NBEA: variants seen among roughly 807,000 people sequenced by gnomAD.
NBEA encodes the protein lysosomal-trafficking regulator 2.
NBEA carries 44 observed loss-of-function variants against 343.4 expected under a neutral mutation model. That is an observed-to-expected ratio of 0.13 (90% CI 0.10 to 0.16). The LOEUF (loss-of-function observed/expected upper bound fraction) is 0.16, where lower values mean the gene tolerates loss of function less well. Ranked by LOEUF, NBEA falls within the 10% of genes least tolerant of loss-of-function variation. The pLI is 1.00. For missense variants in NBEA, 2,555 were observed against 3,631.3 expected, an observed-to-expected ratio of 0.70 and a Z score of 7.62; for synonymous variants, 1,175 against 1,238.7, an observed-to-expected ratio of 0.95 and a Z score of 1.08.
intron 16 of NBEA, among the ~76,000 whole-genome samples, chr13:35,118,853 A>G (rs2152670782): frequency 6.6e-6 from 1 of 152,190 alleles, no homozygotes; most frequent in Non-Finnish European, 1.5e-5. Context: ...TAGAATGGTA[A>G]TAACTTTAGT....
At chr13:35,378,610 C>T (rs188014380) in intron 38 of NBEA, among the ~76,000 whole-genome samples, 211 of 152,032 alleles carry the variant, frequency 1.4e-3, no homozygotes, top group Non-Finnish European at 2.4e-3. Flanking sequence ...TAGATCACCA[C>T]AGGATATTTA....
At chr13:35,421,665 T>C (rs1363624226) in intron 38 of NBEA, among the ~76,000 whole-genome samples, 1 of 152,114 alleles carries the variant, frequency 6.6e-6, no homozygotes, top group Admixed American at 6.6e-5. Flanking sequence ...ACTTCTCTCA[T>C]GTTTACAGGA....
intron 17 of NBEA, among the ~76,000 whole-genome samples, chr13:35,134,095 T>C (rs2786229): frequency 0.19 from 29,238 of 151,910 alleles, 4,203 homozygotes; most frequent in African/African-American, 0.4. Flanking sequence ...TTGAAAGGAA[T>C]AATTTAAGTA....
intron 31 of NBEA, among the ~76,000 whole-genome samples, chr13:35,198,967 A>G (rs2072825075): frequency 6.6e-6 from 1 of 152,078 alleles, no homozygotes; most frequent in Non-Finnish European, 1.5e-5. Context: ...TTCATGCTTT[A>G]ATGTCATCAG....
At chr13:35,646,726 A>G (rs1415579380) in intron 51 of NBEA, among the ~76,000 whole-genome samples, 1 of 152,208 alleles carries the variant, frequency 6.6e-6, no homozygotes, top group African/African-American at 2.4e-5. Context: ...GTGGCAAGAT[A>G]CAGTAGGGGA....
intron 33 of NBEA, among the ~76,000 whole-genome samples, chr13:35,230,819 G>T (rs1346346191): frequency 1.3e-5 from 2 of 151,960 alleles, no homozygotes; most frequent in African/African-American, 4.8e-5. Flanking sequence ...TCCTGGATCA[G>T]CAGCATCAAC....
chr13:35,017,669 A>G (rs972720533), intron 1 of NBEA, among the ~76,000 whole-genome samples: 1 of 152,190 alleles, frequency 6.6e-6, no homozygotes, highest in Non-Finnish European at 1.5e-5. Flanking sequence ...TTTTTAATTA[A>G]GATGTGAGAG....
intron 35 of NBEA, among the ~76,000 whole-genome samples, chr13:35,307,110 A>G (rs775436193): frequency 6.6e-5 from 10 of 152,042 alleles, no homozygotes; most frequent in Non-Finnish European, 1.5e-4. Context: ...TGAAAACTTA[A>G]TAATTTTTTT....
In NBEA at chr13:35,069,891, T is replaced by A; in HGVS notation, c.1240-17T>A. The A allele has an allele frequency of 6.5e-7, 1 of 1,533,710 alleles. No homozygotes were observed. The highest frequency in any genetic ancestry group is 8.8e-7 in the Non-Finnish European group (1 of 1,134,484). On this transcript the variant is annotated splice_polypyrimidine_tract_variant and intron_variant, in intron 8 of 58. Transcript: ENST00000379939. ...TTGCTTTTAAAAAGAGTGTTTACCT[T>A]AGTTTTATTTTTTCAGAGTACCTTC...
At chr13:35,314,843 C>T (rs939529581) in intron 36 of NBEA, among the ~76,000 whole-genome samples, 3 of 152,008 alleles carry the variant, frequency 2.0e-5, no homozygotes, top group Non-Finnish European at 4.4e-5. Context: ...TTTGCTTATT[C>T]CCACCTTTAG....
At chr13:35,410,896 G>T (rs759725055) in intron 38 of NBEA, among the ~76,000 whole-genome samples, 7 of 152,190 alleles carry the variant, frequency 4.6e-5, no homozygotes, top group Non-Finnish European at 1.0e-4. Flanking sequence ...ACTCTCTGAT[G>T]AAGCTTTCCT....
chr13:35,156,303 A>G, intron 20 of NBEA, 97 bp downstream of exon 20: 3 of 1,232,426 alleles, frequency 2.4e-6, no homozygotes, highest in Non-Finnish European at 2.2e-6. Context: ...CCATATTGCT[A>G]AATACTTTTA....
At chr13:35,617,389 G>A (rs184693325) in intron 48 of NBEA, among the ~76,000 whole-genome samples, 102 of 152,308 alleles carry the variant, frequency 6.7e-4, no homozygotes, top group African/African-American at 2.1e-3. Context: ...AATGGATCAC[G>A]TGTAGGAGTG....
At chr13:35,579,674 C>T (rs1042092071) in intron 45 of NBEA, among the ~76,000 whole-genome samples, 2 of 151,954 alleles carry the variant, frequency 1.3e-5, no homozygotes, top group Admixed American at 1.3e-4. Flanking sequence ...AAAAAATAAG[C>T]ACTGGAATAA....
Position 35,155,842 on chromosome 13 carries a change from A to G in NBEA, c.2514A>G (p.Lys838=). The G allele has an allele frequency of 1.9e-6, 3 of 1,611,454 alleles. No individual in the cohort carries two copies. The highest frequency in any genetic ancestry group is 2.5e-6 in the Non-Finnish European group (3 of 1,177,670). The change falls in exon 19 of 59, where the codon AAA becomes AAG. Residue 838 remains lysine (K), a synonymous_variant. Transcript: ENST00000379939. ...ATCCAGAGCCAGATTCTACAGTGAA[A>G]ATTCAGAATCCAAGTGAGCAAATGG... ...KPHPEPDSTV[K]IQNPMILKVV...
intron 40 of NBEA, among the ~76,000 whole-genome samples, chr13:35,470,375 C>CT (rs35460896): frequency 0.12 from 18,180 of 149,464 alleles, 1,238 homozygotes; most frequent in East Asian, 0.36. Flanking sequence ...GTTTCACGAT[C>CT]TTTTTTTTTT....
intron 17 of NBEA, among the ~76,000 whole-genome samples, chr13:35,138,939 A>G (rs1480923164): frequency 1.3e-5 from 2 of 152,020 alleles, no homozygotes; most frequent in African/African-American, 2.4e-5. Context: ...ATTAATCTGT[A>G]TATAAAATGA....
chr13:35,298,193 G>GTA, intron 35 of NBEA, among the ~76,000 whole-genome samples: 2 of 13,954 alleles, frequency 1.4e-4, no homozygotes, highest in South Asian at 7.1e-3. Flanking sequence ...GTGTATGTGT[G>GTA]TGTGTGTGTG....
chr13:35,560,695 C>T (rs978580725), intron 44 of NBEA, among the ~76,000 whole-genome samples: 1 of 152,174 alleles, frequency 6.6e-6, no homozygotes, highest in Non-Finnish European at 1.5e-5. Context: ...GTTGTCTTGG[C>T]TTGAGGCAAG....
Sources: allele counts gnomAD v4.1 joint callset (sites outside exome capture counted in the v4.1 genomes callset), GRCh38; gene constraint gnomAD v4.1.1; transcripts MANE v1.5; gene names NCBI Gene and HGNC (gene_info 2026-07-23, HGNC 2026-07-21).